Variants in HPS3 observed in about 807,000 individuals in gnomAD.
HPS3 encodes HPS3 biogenesis of lysosomal organelles complex 2 subunit 1, also known as BLOC-2 complex member HPS3.
HPS3 carries 79 observed loss-of-function variants against 110.9 expected under a neutral mutation model. That is an observed-to-expected ratio of 0.71 (90% CI 0.59 to 0.86). HPS3 has a LOEUF of 0.86. Ranked by LOEUF, HPS3 falls within the 40% of genes least tolerant of loss-of-function variation. The probability of loss-of-function intolerance (pLI) is 0.00; values close to 1 mark genes in which losing one functional copy is unlikely to be tolerated. For missense variants in HPS3, 1,197 were observed against 1,206.2 expected, an observed-to-expected ratio of 0.99 and a Z score of 0.11; for synonymous variants, 428 against 451.0, an observed-to-expected ratio of 0.95 and a Z score of 0.65.
intron 5 of HPS3, among the ~76,000 whole-genome samples, chr3:149,148,921 C>T (rs2689225): frequency 0.55 from 80,790 of 147,442 alleles, 22,650 homozygotes; most frequent in South Asian, 0.68. Context: ...TGGATTCCTA[C>T]AGGTGGAGGT....
At chr3:149,156,290 G>A (rs1268276463) in intron 8 of HPS3, among the ~76,000 whole-genome samples, 2 of 152,160 alleles carry the variant, frequency 1.3e-5, no homozygotes, top group Non-Finnish European at 2.9e-5. Flanking sequence ...CCAGAATACA[G>A]TAGTATGCTT....
chr3:149,140,613 G>T lies in HPS3; in HGVS notation c.712+115G>T, dbSNP rs979601074. 3 of 1,128,094 alleles carry T rather than the reference G, an allele frequency of 2.7e-6. No homozygotes were observed. In the African/African-American group the frequency reaches 4.7e-5, roughly 18 times the overall value. 69.9% of individuals were successfully genotyped at this position (1,128,094 alleles called of 1,614,324 possible). ...CCCGGCCATGTTATTTATAGATTTA[G>T]TTATTCCTATTTCATGGGATTTGGT... On this transcript the variant is annotated intron_variant, in intron 2 of 16. Coordinates refer to ENST00000296051, the MANE Select transcript of HPS3 (RefSeq NM_032383.5).
In HPS3 at chr3:149,141,050, A is replaced by G. The variant is rs781494097; in HGVS notation, c.746A>G (p.Asp249Gly). ...ISNEISQLES[D>G]DFVICQKPLE... ...AATGAAATTTCACAGCTTGAGTCAG[A>G]TGATTTTGTCATCTGCCAGAAGCCC... The change falls in exon 3 of 17, where the codon GAT becomes GGT. Residue 249 changes from aspartate to glycine, a missense_variant. Transcript: ENST00000296051. 3 of 1,614,076 alleles carry G rather than the reference A, an allele frequency of 1.9e-6. No homozygotes were observed. Among genetic ancestry groups the G allele is most frequent in the Non-Finnish European group, 1.7e-6 (2 of 1,179,986 alleles).
At chr3:149,166,756 C>G (rs1204843811) in intron 14 of HPS3, among the ~76,000 whole-genome samples, 1 of 152,012 alleles carries the variant, frequency 6.6e-6, no homozygotes, top group East Asian at 1.9e-4. Context: ...CTAAAGAATG[C>G]CCATTGGTTT....
chr3:149,172,077 A>G lies in HPS3; in HGVS notation c.2888-18A>G. 1.9e-6 allele frequency: 3 copies of G among 1,610,984 alleles called. No homozygotes were observed. Among genetic ancestry groups the G allele is most frequent in the Non-Finnish European group, 1.7e-6 (2 of 1,177,778 alleles). Reference sequence around the variant, plus strand: ...AGACAGACTTTCAATTCTAATTCAGATATTCTTTTCTACACAGAAACATTG... The same window carrying G: ...AGACAGACTTTCAATTCTAATTCAGGTATTCTTTTCTACACAGAAACATTG... On this transcript the variant is annotated intron_variant, in intron 16 of 16. Coordinates refer to ENST00000296051, the MANE Select transcript of HPS3 (RefSeq NM_032383.5).
Position 149,172,117 on chromosome 3 carries a change from G to A in HPS3, c.2910G>A (p.Val970=), listed in dbSNP as rs758223311. 13 of 1,612,878 alleles carry A rather than the reference G, an allele frequency of 8.1e-6. No individual in the cohort carries two copies. The East Asian group carries it at 2.7e-4, about 33-fold the overall frequency. The change falls in exon 17 of 17, where the codon GTG becomes GTA. Residue 970 remains valine (V), a synonymous_variant. Coordinates refer to ENST00000296051, the MANE Select transcript of HPS3 (RefSeq NM_032383.5). The part of the protein sequence containing the change: ...SLKETLSIVA[V]ELELKDFMNV... ...CAGAAACATTGTCAATTGTTGCTGT[G>A]GAACTAGAACTGAAGGATTTCATGA... is the stretch of plus-strand genomic sequence containing the variant.
intron 6 of HPS3, among the ~76,000 whole-genome samples, chr3:149,150,990 T>C (rs1723065785): frequency 6.8e-6 from 1 of 147,568 alleles, no homozygotes; most frequent in Non-Finnish European, 1.5e-5. Context: ...TACAATTTTA[T>C]TTTTTATTTT....
intron 4 of HPS3, among the ~76,000 whole-genome samples, chr3:149,142,962 G>A (rs80067748): frequency 0.049 from 7,514 of 152,194 alleles, 278 homozygotes; most frequent in Admixed American, 0.083. Flanking sequence ...GTTGGTGCAG[G>A]GGAGGGGAAG....
chr3:149,153,489 A>G lies in HPS3; in HGVS notation c.1246-5A>G, dbSNP rs1324668227. On this transcript the variant is annotated splice_polypyrimidine_tract_variant and splice_region_variant and intron_variant, in intron 6 of 16. Coordinates refer to ENST00000296051, the MANE Select transcript of HPS3 (RefSeq NM_032383.5). ...TTGCTTAAATATGTGATTTTCCTTT[A>G]CTAGGCTTGCCCACCTGTCAGTATG... is the stretch of plus-strand genomic sequence containing the variant. 3 of 1,612,844 alleles carry G rather than the reference A, an allele frequency of 1.9e-6. No individual in the cohort carries two copies. The highest frequency in any genetic ancestry group is 3.3e-5 in the Admixed American group (2 of 60,010).
At chr3:149,138,838 C>T (rs995954991) in intron 1 of HPS3, among the ~76,000 whole-genome samples, 3 of 152,160 alleles carry the variant, frequency 2.0e-5, no homozygotes, top group Non-Finnish European at 4.4e-5. Flanking sequence ...TTATAATAGC[C>T]GTGAGAGTCC....
chr3:149,168,634 G>A (rs1011939143), intron 16 of HPS3, among the ~76,000 whole-genome samples: 2 of 152,118 alleles, frequency 1.3e-5, no homozygotes, highest in Admixed American at 1.3e-4. Flanking sequence ...TTTTTAAAAT[G>A]TAAGGCCGAG....
chr3:149,146,764 A>G (rs563477912), intron 5 of HPS3, among the ~76,000 whole-genome samples: 1 of 152,324 alleles, frequency 6.6e-6, no homozygotes, highest in South Asian at 2.1e-4. Flanking sequence ...TACTCTTTCC[A>G]GTGTCCAAAG....
chr3:149,141,178 C>G lies in HPS3; in HGVS notation c.874C>G (p.Leu292Val). Residue 292 changes from leucine to valine, a missense_variant, in exon 3 of 17, where the codon CTG becomes GTG. By Grantham distance (32) the Leu-to-Val change is conservative. Transcript: ENST00000296051. ...EKRKYSHFQH[L>V]LYRRFAPDIS... is the part of the protein sequence containing the mutation. ...AAGAAAATATTCCCACTTTCAGCAC[C>G]TGCTCTATAGGTATTATAGTGCTTT... 5 of 1,607,244 alleles carry G rather than the reference C, an allele frequency of 3.1e-6. No homozygotes were observed. The highest frequency in any genetic ancestry group is 4.2e-6 in the Non-Finnish European group (5 of 1,178,188).
intron 4 of HPS3, among the ~76,000 whole-genome samples, chr3:149,145,037 ATTAT>A (rs1207116482): frequency 6.6e-6 from 1 of 152,016 alleles, no homozygotes; most frequent in African/African-American, 2.4e-5. Flanking sequence ...GCTTGCTCAG[ATTAT>A]TTATTATTCT....
intron 5 of HPS3, among the ~76,000 whole-genome samples, chr3:149,150,117 A>C (rs892125254): frequency 1.3e-5 from 2 of 152,196 alleles, no homozygotes; most frequent in Admixed American, 6.5e-5. Context: ...TTGAGTTTGC[A>C]TAGTCTGTGT....
In HPS3 at chr3:149,160,273, T is replaced by G. The variant is rs1723705019; in HGVS notation, c.2100T>G (p.His700Gln). ...TGCACAGAAATGAAATGAAAAGCCA[T>G]TCAGAGGTATGGAGCTCTGCCCGGT... The part of the protein sequence containing the change: ...LDMHRNEMKS[H>Q]SEMKLVCGFI... Residue 700 changes from histidine (H) to glutamine (Q), a missense_variant, in exon 11 of 17, where the codon CAT (histidine) becomes CAG (glutamine). His to Gln is a conservative substitution (Grantham distance 24). Coordinates refer to ENST00000296051, the MANE Select transcript of HPS3 (RefSeq NM_032383.5). 1.2e-6 allele frequency: 2 copies of G among 1,608,442 alleles called. No individual in the cohort carries two copies. Among genetic ancestry groups the G allele is most frequent in the Non-Finnish European group, 1.7e-6 (2 of 1,175,074 alleles).
At chr3:149,132,272 GAGA>G (rs1219026439) in intron 1 of HPS3, among the ~76,000 whole-genome samples, 2 of 152,198 alleles carry the variant, frequency 1.3e-5, no homozygotes, top group Non-Finnish European at 2.9e-5. Flanking sequence ...GGCTAGAGAG[GAGA>G]AGATAATGCC....
intron 1 of HPS3, chr3:149,130,472 GCC>G (rs1721694444): frequency 6.4e-6 from 1 of 155,374 alleles, no homozygotes; most frequent in Non-Finnish European, 1.4e-5. Flanking sequence ...AACTCAGACT[GCC>G]CCCCTCTCTT....
chr3:149,134,979 C>G (rs1359245181), intron 1 of HPS3, among the ~76,000 whole-genome samples: 1 of 152,138 alleles, frequency 6.6e-6, no homozygotes, highest in African/African-American at 2.4e-5. Context: ...CAGCTTTTCC[C>G]TTTTGGCCCC....
Sources: allele counts gnomAD v4.1 joint callset (sites outside exome capture counted in the v4.1 genomes callset), GRCh38; gene constraint gnomAD v4.1.1; transcripts MANE v1.5; gene names NCBI Gene and HGNC (gene_info 2026-07-23, HGNC 2026-07-21).